Variants in EIF2AK4 observed in about 807,000 individuals in gnomAD.
EIF2AK4 encodes eukaryotic translation initiation factor 2 alpha kinase 4, also known as eIF-2-alpha kinase GCN2.
EIF2AK4 carries 139 observed loss-of-function variants against 211.1 expected under a neutral mutation model. That is an observed-to-expected ratio of 0.66 (90% confidence interval 0.57 to 0.76). The LOEUF (loss-of-function observed/expected upper bound fraction) is 0.76, where lower values mean the gene tolerates loss of function less well. Ranked by LOEUF, EIF2AK4 falls within the 30% of genes least tolerant of loss-of-function variation. The pLI is 0.00. For synonymous variants in EIF2AK4, 710 were observed against 751.3 expected (o/e 0.94, Z 0.90); for missense variants, 1,664 against 2,043.8 (o/e 0.81, Z 3.58).
chr15:40,013,748 A>G (rs2035268977), intron 27 of EIF2AK4, among the ~76,000 whole-genome samples: 5 of 152,206 alleles, frequency 3.3e-5, no homozygotes. Context: ...CTACAGTTCA[A>G]GATGAAATTT....
At chr15:39,990,398 A>G in intron 16 of EIF2AK4, 21 bp downstream of exon 16, 9 of 1,592,516 alleles carry the variant, frequency 5.7e-6, no homozygotes, top group Non-Finnish European at 7.8e-6. Context: ...TAAAAATTAG[A>G]CTGTACCTAA....
At chr15:40,023,435 A>G (rs114331164) in intron 32 of EIF2AK4, among the ~76,000 whole-genome samples, 1,544 of 152,300 alleles carry the variant, frequency 0.01, 19 homozygotes, top group African/African-American at 0.035. Context: ...TCTGTAAGAT[A>G]CTGTATACAA....
chr15:39,949,406 G>T, intron 4 of EIF2AK4, 138 bp downstream of exon 4: 5 of 1,288,890 alleles, frequency 3.9e-6, no homozygotes, highest in Non-Finnish European at 5.2e-6. Context: ...AGACACATGT[G>T]AGAGTATGAA....
chr15:39,951,087 T>C (rs984306911), intron 4 of EIF2AK4, among the ~76,000 whole-genome samples: 3 of 152,262 alleles, frequency 2.0e-5, no homozygotes, highest in South Asian at 4.1e-4. Flanking sequence ...TTTGACCCCA[T>C]AGGAAAAAAA....
At chr15:39,969,010 A>C (rs2140913826) in intron 9 of EIF2AK4, among the ~76,000 whole-genome samples, 2 of 152,214 alleles carry the variant, frequency 1.3e-5, no homozygotes, top group Middle Eastern at 3.4e-3. Flanking sequence ...GTATCTTTTT[A>C]ATGCAATGGA....
At chr15:39,946,690 A>G in intron 3 of EIF2AK4, 1 of 699,846 alleles carries the variant, frequency 1.4e-6, no homozygotes, top group East Asian at 2.7e-5. Flanking sequence ...CTTCCATGAA[A>G]GGAAGAGTCA....
intron 26 of EIF2AK4, among the ~76,000 whole-genome samples, chr15:40,010,740 G>A (rs906887054): frequency 1.3e-5 from 2 of 152,092 alleles, no homozygotes; most frequent in Non-Finnish European, 1.5e-5. Context: ...CACATCAATG[G>A]CCCAAACTTT....
chr15:40,034,766 T>TC (rs2035592285), intron 38 of EIF2AK4, among the ~76,000 whole-genome samples: 1 of 152,150 alleles, frequency 6.6e-6, no homozygotes, highest in Non-Finnish European at 1.5e-5. Flanking sequence ...TGCCAATCAA[T>TC]CAATCAATCA....
Position 40,017,551 on chromosome 15 carries a change from A to ATG in EIF2AK4, c.4065+310_4065+311insGT, listed in dbSNP as rs1555422344. ...TATATATATATATATATATATATAT[A>ATG]TATGTATTTTGGAGACAGGGCCTTG... On this transcript the variant is annotated intron_variant, in intron 29 of 38. Coordinates refer to ENST00000263791, the MANE Select transcript of EIF2AK4 (RefSeq NM_001013703.4). Among the ~76,000 whole-genome samples, 285 of 86,928 alleles carry ATG rather than the reference A, an allele frequency of 3.3e-3. 23 individuals carry two copies. The highest frequency in any genetic ancestry group is 9.7e-3 in the South Asian group (27 of 2,788). 57.0% of individuals were successfully genotyped at this position (86,928 alleles called of 152,430 possible).
At chr15:40,012,540 G>A (rs1215225030) in intron 27 of EIF2AK4, among the ~76,000 whole-genome samples, 1 of 152,158 alleles carries the variant, frequency 6.6e-6, no homozygotes, top group Non-Finnish European at 1.5e-5. Context: ...ACACCTATGT[G>A]CAGAAATAGT....
chr15:39,954,998 A>G (rs191239864), intron 5 of EIF2AK4, among the ~76,000 whole-genome samples: 163 of 152,294 alleles, frequency 1.1e-3, no homozygotes, highest in East Asian at 2.7e-3. Context: ...TGTCTTGTAT[A>G]ATTACCTCCA....
At chr15:40,034,872 A>C (rs576031043) in intron 38 of EIF2AK4, among the ~76,000 whole-genome samples, 155 bp from the exon 39 acceptor site, 1 of 152,292 alleles carries the variant, frequency 6.6e-6, no homozygotes, top group African/African-American at 2.4e-5. Flanking sequence ...CCTGTCAGTC[A>C]CACCTTGTAT....
chr15:39,969,676 A>T (rs906352789), intron 9 of EIF2AK4, among the ~76,000 whole-genome samples: 1 of 152,108 alleles, frequency 6.6e-6, no homozygotes, highest in Non-Finnish European at 1.5e-5. Context: ...TTCTTTTAAC[A>T]AGATTTTTCT....
At chr15:40,008,495 C>A (rs781609587) in intron 25 of EIF2AK4, among the ~76,000 whole-genome samples, 5 of 152,030 alleles carry the variant, frequency 3.3e-5, no homozygotes, top group Non-Finnish European at 7.4e-5. Context: ...TGTTTGGAAC[C>A]CTCAGTGGCT....
intron 26 of EIF2AK4, 73 bp downstream of exon 26, chr15:40,009,803 T>C (rs2035212047): frequency 3.6e-6 from 4 of 1,120,546 alleles, no homozygotes; most frequent in South Asian, 1.4e-5. Flanking sequence ...TAGTTCCTGA[T>C]GATTTTCTTA....
rs761025658 is a variant in EIF2AK4 at position 39,976,672 on chromosome 15, C to T, written c.2077C>T (p.Leu693=). ...RGQPASDTDG[L]DSVEAAAPPP... is the part of the protein sequence containing the mutation. The stretch of plus-strand genomic sequence containing the variant: ...GCAGCCGGCGAGCGACACAGACGGC[C>T]TGGACAGCGTAGAGGCCGCCGCGCC... The change falls in exon 12 of 39, where the codon CTG becomes TTG. Residue 693 remains leucine (L), a synonymous_variant. Coordinates refer to ENST00000263791, the MANE Select transcript of EIF2AK4 (RefSeq NM_001013703.4). The T allele has an allele frequency of 6.7e-5, 108 of 1,604,684 alleles. No individual in the cohort carries two copies. The highest frequency in any genetic ancestry group is 8.7e-5 in the Non-Finnish European group (103 of 1,178,176).
chr15:40,028,722 C>T (rs1435578329), intron 33 of EIF2AK4, among the ~76,000 whole-genome samples: 1 of 152,060 alleles, frequency 6.6e-6, no homozygotes, highest in Non-Finnish European at 1.5e-5. Flanking sequence ...TGGAAATCAC[C>T]AGTATTGGAA....
intron 8 of EIF2AK4, among the ~76,000 whole-genome samples, chr15:39,966,955 T>C (rs905788086): frequency 6.6e-6 from 1 of 152,216 alleles, no homozygotes; most frequent in African/African-American, 2.4e-5. Context: ...AAAACCCAAA[T>C]ACAAAGCTAA....
At chr15:40,032,275 G>C in intron 36 of EIF2AK4, 38 bp downstream of exon 36, 1 of 1,581,758 alleles carries the variant, frequency 6.3e-7, no homozygotes, top group Non-Finnish European at 8.7e-7. Context: ...GGTGGCTTCT[G>C]TCCATACTGT....
Sources: gnomAD v4.1 joint callset for allele counts (sites outside exome capture counted in the v4.1 genomes callset) on GRCh38, gnomAD v4.1.1 for gene constraint, MANE v1.5 for transcripts, NCBI Gene and HGNC (gene_info 2026-07-23, HGNC 2026-07-21) for gene names.